The following PTPRD variants were observed in gnomAD, a reference collection of about 807,000 sequenced individuals.
PTPRD encodes the protein receptor-type tyrosine-protein phosphatase delta.
PTPRD carries 34 observed loss-of-function variants against 214.5 expected under a neutral mutation model. The ratio of observed to expected loss-of-function variants is 0.16; its 90% CI spans 0.12 to 0.21. The LOEUF (loss-of-function observed/expected upper bound fraction) is 0.21, where lower values mean the gene tolerates loss of function less well. Among genes scored for constraint, PTPRD ranks in the 10% least tolerant of loss-of-function variants. The probability of loss-of-function intolerance (pLI) is 1.00; values close to 1 mark genes in which losing one functional copy is unlikely to be tolerated. For missense variants in PTPRD, 2,545 were observed against 2,398.7 expected, an observed-to-expected ratio of 1.06 and a Z score of -1.27; for synonymous variants, 1,128 against 845.7, an observed-to-expected ratio of 1.33 and a Z score of -5.79.
At chr9:8,935,023 A>T (rs2098987224) in intron 11 of PTPRD, among the ~76,000 whole-genome samples, 1 of 152,152 alleles carries the variant, frequency 6.6e-6, no homozygotes, top group African/African-American at 2.4e-5. Context: ...ATATATACAC[A>T]CACAGAGAGA....
In PTPRD at chr9:10,142,836, T is replaced by G. The variant is rs551501668; in HGVS notation, c.-544-109046A>C. 2.8e-5 allele frequency among the ~76,000 whole-genome samples: 4 copies of G among 143,866 alleles called. No homozygotes were observed. The East Asian group carries it at 8.1e-4, about 29-fold the overall frequency. The allele number at this position is 143,866 out of a possible 152,430, so 94.4% of individuals were successfully genotyped here. A position where few individuals can be genotyped will look rare whatever the true frequency, so the allele number is the denominator to read the frequency against. On this transcript the variant is annotated intron_variant, in intron 3 of 45. Transcript: ENST00000381196. Reference sequence around the variant, plus strand: ...AAGACACATGCACACGTATGTTTATTGTGGCATTATTCACAATAGCAAAGA... The same window carrying G: ...AAGACACATGCACACGTATGTTTATGGTGGCATTATTCACAATAGCAAAGA...
At chr9:10,332,931 T>C (rs2096777901) in intron 3 of PTPRD, among the ~76,000 whole-genome samples, 1 of 151,856 alleles carries the variant, frequency 6.6e-6, no homozygotes, top group South Asian at 2.1e-4. Flanking sequence ...CATACAATTG[T>C]AATATTTATT....
chr9:8,504,181 G>C (rs2097487012), intron 23 of PTPRD, 80 bp downstream of exon 23: 2 of 1,421,780 alleles, frequency 1.4e-6, no homozygotes, highest in East Asian at 2.3e-5. Context: ...TAGCAGGTTT[G>C]CTTATTGGTG....
At chr9:9,117,177 C>A (rs552113246) in intron 10 of PTPRD, among the ~76,000 whole-genome samples, 12 of 149,894 alleles carry the variant, frequency 8.0e-5, no homozygotes, top group African/African-American at 2.7e-4. Flanking sequence ...GGAATCTGAT[C>A]TAAAATTAGT....
At chr9:9,826,698 A>C (rs1017820447) in intron 5 of PTPRD, among the ~76,000 whole-genome samples, 36 of 151,926 alleles carry the variant, frequency 2.4e-4, no homozygotes, top group African/African-American at 8.7e-4. Flanking sequence ...CACTTTTTTA[A>C]AAAGATCTTT....
intron 3 of PTPRD, among the ~76,000 whole-genome samples, chr9:10,116,866 C>A (rs956892150): frequency 6.6e-6 from 1 of 152,048 alleles, no homozygotes; most frequent in Non-Finnish European, 1.5e-5. Context: ...CTTGCTCTTC[C>A]TTCTGCCTGG....
intron 12 of PTPRD, among the ~76,000 whole-genome samples, chr9:8,689,673 C>G (rs1290420653): frequency 6.6e-6 from 1 of 152,078 alleles, no homozygotes; most frequent in Non-Finnish European, 1.5e-5. Flanking sequence ...TATAGGAGTA[C>G]AATTCAAGAT....
chr9:8,494,961 C>T (rs566393561), intron 26 of PTPRD, among the ~76,000 whole-genome samples: 1 of 152,214 alleles, frequency 6.6e-6, no homozygotes, highest in East Asian at 1.9e-4. Context: ...CTCCACTTTG[C>T]TTCTTGTCCC....
intron 11 of PTPRD, among the ~76,000 whole-genome samples, chr9:8,853,118 C>CA (rs2097850666): frequency 6.6e-6 from 1 of 152,140 alleles, no homozygotes; most frequent in African/African-American, 2.4e-5. Context: ...AAATGAGAGA[C>CA]ACAGGTCTTC....
intron 8 of PTPRD, among the ~76,000 whole-genome samples, chr9:9,552,056 C>T (rs1015830013): frequency 6.6e-6 from 1 of 151,986 alleles, no homozygotes; most frequent in Admixed American, 6.6e-5. Context: ...ACCTGAAGGG[C>T]TTTCTAGGTG....
chr9:10,454,718 G>T (rs567712686), intron 2 of PTPRD, among the ~76,000 whole-genome samples: 3 of 151,480 alleles, frequency 2.0e-5, no homozygotes, highest in Non-Finnish European at 4.4e-5. Context: ...TGCATTAATT[G>T]TTTCCTCTTG....
intron 2 of PTPRD, among the ~76,000 whole-genome samples, chr9:10,575,963 C>G (rs1041242692): frequency 6.6e-6 from 1 of 152,034 alleles, no homozygotes; most frequent in Non-Finnish European, 1.5e-5. Flanking sequence ...GACTTCTGAC[C>G]TTTCAAATGA....
chr9:9,163,075 T>C (rs1592705516), intron 10 of PTPRD, among the ~76,000 whole-genome samples: 2 of 152,118 alleles, frequency 1.3e-5, no homozygotes, highest in East Asian at 1.9e-4. Context: ...ACTTAAAATA[T>C]TGATGACCTT....
rs1051819520 is a variant in PTPRD at position 9,793,597 on chromosome 9, T to G, written c.-367-26746A>C. On this transcript the variant is annotated intron_variant, in intron 5 of 45. Coordinates refer to ENST00000381196, the MANE Select transcript of PTPRD (RefSeq NM_002839.4). Reference sequence around the variant, plus strand: ...GTTAGTAAAAAGCATAAATTATTTATTCAGAAATTTACTCCTATTATATAT... The same window carrying G: ...GTTAGTAAAAAGCATAAATTATTTAGTCAGAAATTTACTCCTATTATATAT... 7.2e-5 allele frequency among the ~76,000 whole-genome samples: 11 copies of G among 152,146 alleles called. No homozygotes were observed. In the South Asian group the frequency reaches 8.3e-4, roughly 11 times the overall value.
intron 11 of PTPRD, among the ~76,000 whole-genome samples, chr9:8,810,476 G>A (rs959944955): frequency 1.3e-5 from 2 of 152,060 alleles, no homozygotes; most frequent in Non-Finnish European, 2.9e-5. Flanking sequence ...AGACTGCATG[G>A]GCATTAGGAT....
intron 44 of PTPRD, among the ~76,000 whole-genome samples, chr9:8,321,477 GTGTGTGTGTGTA>G (rs1317087471): frequency 0.04 from 3,008 of 74,766 alleles, 37 homozygotes; most frequent in East Asian, 0.07. Context: ...GTGTGTGTGT[GTGTGTGTGTGTA>G]TATATATATA....
chr9:9,889,603 C>G (rs1317465278), intron 5 of PTPRD, among the ~76,000 whole-genome samples: 1 of 152,080 alleles, frequency 6.6e-6, no homozygotes, highest in African/African-American at 2.4e-5. Context: ...TTTACTGCCT[C>G]TCAGCCCCAA....
At chr9:9,134,282 C>T (rs2099847527) in intron 10 of PTPRD, among the ~76,000 whole-genome samples, 1 of 137,852 alleles carries the variant, frequency 7.3e-6, no homozygotes, top group South Asian at 2.2e-4. Flanking sequence ...ACCTTGTTAG[C>T]CAGGATGGTC....
At chr9:9,811,149 A>G (rs1326192885) in intron 5 of PTPRD, among the ~76,000 whole-genome samples, 2 of 152,104 alleles carry the variant, frequency 1.3e-5, no homozygotes, top group African/African-American at 4.8e-5. Flanking sequence ...GAGGCAAGAG[A>G]GCCGAGATTG....
Sources: allele counts gnomAD v4.1 joint callset (sites outside exome capture counted in the v4.1 genomes callset), GRCh38; gene constraint gnomAD v4.1.1; transcripts MANE v1.5; gene names NCBI Gene and HGNC (gene_info 2026-07-23, HGNC 2026-07-21).